Variants in SHISA9 observed in about 807,000 individuals in gnomAD.
SHISA9 encodes the protein protein shisa-9.
Under a neutral mutation model 38.0 loss-of-function variants are expected in SHISA9, and 13 were observed. That is an observed-to-expected ratio of 0.34 (90% CI 0.22 to 0.54). The LOEUF is 0.54. Ranked by LOEUF, SHISA9 falls within the 20% of genes least tolerant of loss-of-function variation. The pLI, the probability that SHISA9 is intolerant of heterozygous loss-of-function variation, is 0.91. For missense variants in SHISA9, 538 were observed against 575.8 expected, an observed-to-expected ratio of 0.93 and a Z score of 0.67; for synonymous variants, 275 against 242.0, an observed-to-expected ratio of 1.14 and a Z score of -1.27.
the SHISA9 span, among the ~76,000 whole-genome samples, chr16:13,307,697 T>C: frequency 1.3e-5 from 2 of 152,270 alleles, no homozygotes; most frequent in Admixed American, 6.5e-5. Context: ...GATTAATTTT[T>C]CCATTCTTTC....
At chr16:13,407,244 T>C in the SHISA9 span, among the ~76,000 whole-genome samples, 4 of 152,174 alleles carry the variant, frequency 2.6e-5, no homozygotes, top group Admixed American at 2.0e-4. Context: ...TCAAGGTCAG[T>C]TGTGGGTCTG....
chr16:13,436,564 C>G, the SHISA9 span, among the ~76,000 whole-genome samples: 2 of 152,214 alleles, frequency 1.3e-5, no homozygotes, highest in South Asian at 4.1e-4. Context: ...GGCTGCTCTG[C>G]CTATGACGTA....
At chr16:13,008,014 T>C (rs545316423) in intron 2 of SHISA9, among the ~76,000 whole-genome samples, 33 of 152,328 alleles carry the variant, frequency 2.2e-4, no homozygotes, top group African/African-American at 7.2e-4. Flanking sequence ...CAAGCCTCTG[T>C]GACTCTCTTC....
chr16:13,537,773 C>G, the SHISA9 span, among the ~76,000 whole-genome samples: 16 of 152,100 alleles, frequency 1.1e-4, no homozygotes, highest in Admixed American at 9.8e-4. Flanking sequence ...CCTCAAGAAA[C>G]TTTAAACCTA....
chr16:12,949,825 G>A (rs967375773), intron 2 of SHISA9, among the ~76,000 whole-genome samples: 2 of 152,038 alleles, frequency 1.3e-5, no homozygotes, highest in African/African-American at 4.8e-5. Context: ...ATAGTAATTA[G>A]GACATCCATC....
chr16:13,328,662 G>A, the SHISA9 span, among the ~76,000 whole-genome samples: 186 of 151,260 alleles, frequency 1.2e-3, 1 homozygote, highest in Non-Finnish European at 2.2e-3. Context: ...TATCAGAGAC[G>A]TGATTTTGCC....
chr16:13,048,631 AG>A (rs1218425950), intron 2 of SHISA9, among the ~76,000 whole-genome samples: 1 of 152,214 alleles, frequency 6.6e-6, no homozygotes, highest in African/African-American at 2.4e-5. Flanking sequence ...CATGTTGGCC[AG>A]GCTGGTCTCA....
At chr16:13,157,508 C>T (rs1197829991) in intron 2 of SHISA9, among the ~76,000 whole-genome samples, 1 of 152,128 alleles carries the variant, frequency 6.6e-6, no homozygotes, top group African/African-American at 2.4e-5. Flanking sequence ...TCACAAAATA[C>T]CCATTTTCGA....
the SHISA9 span, among the ~76,000 whole-genome samples, chr16:13,525,462 C>G: frequency 6.6e-6 from 1 of 152,160 alleles, no homozygotes; most frequent in Admixed American, 6.5e-5. Context: ...CCTCAATTTC[C>G]TAATCTATGA....
chr16:13,217,417 C>G (rs2051180874), intron 4 of SHISA9, among the ~76,000 whole-genome samples: 1 of 152,216 alleles, frequency 6.6e-6, no homozygotes, highest in African/African-American at 2.4e-5. Context: ...AAACTTTAAA[C>G]TTAAGCCCAG....
the SHISA9 span, chr16:13,350,753 A>G: frequency 6.6e-6 from 1 of 152,194 alleles, no homozygotes; most frequent in Non-Finnish European, 1.5e-5. Flanking sequence ...TTTGCAAAGA[A>G]AGAGTGAGGA....
chr16:13,020,754 C>G (rs534275199), intron 2 of SHISA9, among the ~76,000 whole-genome samples: 2 of 152,322 alleles, frequency 1.3e-5, no homozygotes, highest in East Asian at 3.9e-4. Flanking sequence ...AGGATCCAAA[C>G]ATACTAAATG....
chr16:13,537,727 G>T, the SHISA9 span, among the ~76,000 whole-genome samples: 1 of 152,256 alleles, frequency 6.6e-6, no homozygotes, highest in East Asian at 1.9e-4. Context: ...CATCAAAAAG[G>T]ATGCATTGTA....
chr16:13,489,510 G>C, the SHISA9 span, among the ~76,000 whole-genome samples: 1 of 152,122 alleles, frequency 6.6e-6, no homozygotes, highest in Non-Finnish European at 1.5e-5. Context: ...TGTTGTGAGA[G>C]GGATCCAGTG....
chr16:13,082,373 C>T (rs1239874182), intron 2 of SHISA9: 1 of 152,046 alleles, frequency 6.6e-6, no homozygotes, highest in Non-Finnish European at 1.5e-5. Flanking sequence ...TCTCTCTTTG[C>T]CTTTTCATTC....
At chr16:13,333,810 A>T in the SHISA9 span, among the ~76,000 whole-genome samples, 1 of 152,046 alleles carries the variant, frequency 6.6e-6, no homozygotes, top group Non-Finnish European at 1.5e-5. Flanking sequence ...GGGAGGGGGA[A>T]TTTCTCCAGT....
chr16:13,307,336 C>T, the SHISA9 span, among the ~76,000 whole-genome samples: 1 of 152,168 alleles, frequency 6.6e-6, no homozygotes, highest in South Asian at 2.1e-4. Flanking sequence ...TGTACTTCCC[C>T]TGTATTTTCT....
At chr16:12,988,039 A>G (rs1438386847) in intron 2 of SHISA9, among the ~76,000 whole-genome samples, 1 of 152,158 alleles carries the variant, frequency 6.6e-6, no homozygotes, top group Non-Finnish European at 1.5e-5. Context: ...AAAGAGGAAA[A>G]AGAATATGCA....
At chr16:12,991,917 G>A (rs1011040312) in intron 2 of SHISA9, among the ~76,000 whole-genome samples, 5 of 152,040 alleles carry the variant, frequency 3.3e-5, no homozygotes, top group African/African-American at 7.2e-5. Context: ...ATGGGTTCAC[G>A]GACATTATTG....
Sources: gnomAD v4.1 joint callset for allele counts (sites outside exome capture counted in the v4.1 genomes callset) on GRCh38, gnomAD v4.1.1 for gene constraint, MANE v1.5 for transcripts, NCBI Gene and HGNC (gene_info 2026-07-23, HGNC 2026-07-21) for gene names.